KAZN: variants seen among roughly 807,000 people sequenced by gnomAD.
KAZN encodes kazrin.
KAZN carries 40 observed loss-of-function variants against 87.4 expected under a neutral mutation model. That is an observed-to-expected ratio of 0.46 (90% CI 0.36 to 0.60). KAZN has a LOEUF of 0.60. Among genes scored for constraint, KAZN ranks in the 20% least tolerant of loss-of-function variants. The probability of loss-of-function intolerance (pLI) is 0.00; values close to 1 mark genes in which losing one functional copy is unlikely to be tolerated. For synonymous variants in KAZN, 466 were observed against 458.3 expected, an observed-to-expected ratio of 1.02 and a Z score of -0.22; for missense variants, 898 against 1,073.9, an observed-to-expected ratio of 0.84 and a Z score of 2.29.
At chr1:15,076,257 G>A (rs1262667935) in intron 8 of KAZN, among the ~76,000 whole-genome samples, 1 of 152,206 alleles carries the variant, frequency 6.6e-6, no homozygotes, top group Non-Finnish European at 1.5e-5. Context: ...GAGTGTGTGA[G>A]CCAATTCCAA....
chr1:14,983,225 G>A (rs1235839437), intron 2 of KAZN, among the ~76,000 whole-genome samples: 1 of 152,144 alleles, frequency 6.6e-6, no homozygotes, highest in Non-Finnish European at 1.5e-5. Flanking sequence ...TTCATGGGCG[G>A]GGTAAGGCTG....
chr1:14,140,873 G>A (rs182394865), intron 1 of KAZN, among the ~76,000 whole-genome samples: 46 of 152,224 alleles, frequency 3.0e-4, no homozygotes, highest in African/African-American at 1.0e-3. Context: ...GAAGAAAGAC[G>A]TCCTGTCTAA....
chr1:14,222,378 T>G (rs1194440947), intron 2 of KAZN, among the ~76,000 whole-genome samples: 2 of 152,208 alleles, frequency 1.3e-5, no homozygotes, highest in Non-Finnish European at 2.9e-5. Context: ...TCTTGTATTA[T>G]AAGACACTTA....
intron 2 of KAZN, among the ~76,000 whole-genome samples, chr1:14,572,344 G>C (rs1207691632): frequency 6.6e-6 from 1 of 152,218 alleles, no homozygotes; most frequent in African/African-American, 2.4e-5. Context: ...GCCTCAGGAG[G>C]TGCTGGCGTG....
intron 2 of KAZN, among the ~76,000 whole-genome samples, chr1:14,274,073 C>CT (rs1652162209): frequency 6.6e-6 from 1 of 152,194 alleles, no homozygotes; most frequent in African/African-American, 2.4e-5. Flanking sequence ...CACACAAAGG[C>CT]TGCAGCACCC....
At chr1:13,973,957 C>T (rs985434462) in intron 1 of KAZN, among the ~76,000 whole-genome samples, 2 of 152,348 alleles carry the variant, frequency 1.3e-5, no homozygotes, top group African/African-American at 4.8e-5. Context: ...TATCGTCATA[C>T]TCACAGCTAG....
At chr1:14,336,436 T>A (rs1657277294) in intron 2 of KAZN, among the ~76,000 whole-genome samples, 1 of 152,220 alleles carries the variant, frequency 6.6e-6, no homozygotes, top group Non-Finnish European at 1.5e-5. Context: ...CATCTCTGTA[T>A]ACAAATTTGA....
intron 2 of KAZN, among the ~76,000 whole-genome samples, chr1:14,308,745 A>G (rs1655094320): frequency 6.6e-6 from 1 of 151,996 alleles, no homozygotes; most frequent in Non-Finnish European, 1.5e-5. Context: ...ATGAACTAAT[A>G]CGCATAGACT....
intron 1 of KAZN, among the ~76,000 whole-genome samples, chr1:14,747,747 T>G (rs866124610): frequency 6.6e-6 from 1 of 152,232 alleles, no homozygotes; most frequent in Admixed American, 6.5e-5. Context: ...CTGGGTCACA[T>G]GATAATTCTA....
At chr1:15,016,806 G>A (rs1013017353) in intron 2 of KAZN, among the ~76,000 whole-genome samples, 1 of 152,186 alleles carries the variant, frequency 6.6e-6, no homozygotes, top group Admixed American at 6.5e-5. Flanking sequence ...CTCTCGGCAT[G>A]TATGGCAGCT....
At chr1:15,072,358 A>G (rs1393570451) in intron 8 of KAZN, among the ~76,000 whole-genome samples, 1 of 152,202 alleles carries the variant, frequency 6.6e-6, no homozygotes, top group Admixed American at 6.5e-5. Context: ...GGGTCTGTGA[A>G]CACCAGCCCT....
intron 2 of KAZN, among the ~76,000 whole-genome samples, chr1:15,001,096 T>C (rs1314337339): frequency 6.7e-6 from 1 of 149,322 alleles, no homozygotes; most frequent in African/African-American, 2.6e-5. Flanking sequence ...GATGGAGACC[T>C]TGCCTCTAAA....
At chr1:14,564,275 C>G (rs1254485639) in intron 2 of KAZN, among the ~76,000 whole-genome samples, 2 of 152,056 alleles carry the variant, frequency 1.3e-5, no homozygotes, top group Non-Finnish European at 2.9e-5. Flanking sequence ...TACTTTCTTT[C>G]CAGAATAAGA....
At position 15,021,967 on chromosome 1, in the gene KAZN, A is replaced by G. The variant is rs184197598; in HGVS notation, c.419-12782A>G. Among the ~76,000 whole-genome samples, 8 of 152,162 alleles carry G rather than the reference A, an allele frequency of 5.3e-5. No homozygotes were observed. Among genetic ancestry groups the G allele is most frequent in the African/African-American group, 1.9e-4 (8 of 41,446 alleles). ...GGCAGCAAGATAGAGCATGAGAGCCAGGGGAAAACCATCAGATCTCGTGAG... is the reference window on the plus strand; with the variant it reads ...GGCAGCAAGATAGAGCATGAGAGCCGGGGGAAAACCATCAGATCTCGTGAG... On this transcript the variant is annotated intron_variant, in intron 2 of 14. Coordinates refer to ENST00000376030, the MANE Select transcript of KAZN (RefSeq NM_201628.3). The surrounding 1 kb of genome is among the most constrained non-coding windows in gnomAD (Gnocchi z 4.2).
At chr1:14,600,014 A>C (rs1254557912) in intron 1 of KAZN, among the ~76,000 whole-genome samples, 1 of 152,204 alleles carries the variant, frequency 6.6e-6, no homozygotes, top group African/African-American at 2.4e-5. Context: ...ACCCCCTGCA[A>C]GACATAAAGG....
chr1:14,983,773 C>A (rs1430901123), intron 2 of KAZN, among the ~76,000 whole-genome samples: 6 of 151,174 alleles, frequency 4.0e-5, no homozygotes. Context: ...GAAACCCTGT[C>A]TCTACTGAAA....
chr1:14,714,037 C>A (rs1007960452), intron 1 of KAZN, among the ~76,000 whole-genome samples: 4 of 152,184 alleles, frequency 2.6e-5, no homozygotes, highest in Admixed American at 2.0e-4. Flanking sequence ...GACACCCACC[C>A]TGTGAAGTTT....
chr1:15,095,855 G>A (rs557475387), intron 10 of KAZN, among the ~76,000 whole-genome samples: 8 of 152,254 alleles, frequency 5.3e-5, no homozygotes, highest in Admixed American at 4.6e-4. Context: ...GTGTGCAGGA[G>A]AGGGGCCCTC....
At chr1:14,380,930 T>G (rs1434236841) in intron 2 of KAZN, among the ~76,000 whole-genome samples, 1 of 152,150 alleles carries the variant, frequency 6.6e-6, no homozygotes, top group East Asian at 1.9e-4. Flanking sequence ...CATTTAATAA[T>G]CAAACTTTCA....
Sources: gnomAD v4.1 joint callset for allele counts (sites outside exome capture counted in the v4.1 genomes callset) on GRCh38, gnomAD v4.1.1 for gene constraint, Gnocchi (gnomAD v3.1) non-coding constraint, MANE v1.5 for transcripts, NCBI Gene and HGNC (gene_info 2026-07-23, HGNC 2026-07-21) for gene names.